Variants in POLI observed in about 807,000 individuals in gnomAD.
POLI encodes RAD30 homolog B.
Under a neutral mutation model 51.6 loss-of-function variants are expected in POLI, and 58 were observed. The observed-to-expected ratio is 1.12, with a 90% confidence interval of 0.91 to 1.40. The LOEUF is 1.40. Among genes scored for constraint, POLI ranks in the 40% most tolerant of loss-of-function variants. The probability of loss-of-function intolerance (pLI) is 0.00; values close to 1 mark genes in which losing one functional copy is unlikely to be tolerated. For missense variants in POLI, 921 were observed against 871.3 expected (o/e 1.06, Z -0.72); for synonymous variants, 322 against 299.7 (o/e 1.07, Z -0.77).
chr18:54,271,256 ACT>A lies in POLI; in HGVS notation c.116-101_116-100del, dbSNP rs562171216. 1.7e-4 allele frequency: 166 copies of A among 961,722 alleles called. 1 individual carries two copies. In the African/African-American group the frequency reaches 2.6e-3, roughly 15 times the overall value. 59.6% of individuals were successfully genotyped at this position (961,722 alleles called of 1,614,324 possible). ...CACATAATCCAGGAGAAAACACGTC[ACT>A]CTGCATTCTTCCTTCACAGGTACCA... On this transcript the variant is annotated intron_variant, in intron 1 of 9. Transcript: ENST00000579534.
intron 3 of POLI, among the ~76,000 whole-genome samples, chr18:54,303,318 G>A (rs527104): frequency 0.77 from 116,881 of 152,144 alleles, 45,739 homozygotes; most frequent in African/African-American, 0.93. Context: ...TGACAGAATG[G>A]TAGAAAACTC....
At chr18:54,282,727 G>A (rs1267951116) in intron 5 of POLI, 110 bp from the exon 6 acceptor site, 11 of 649,822 alleles carry the variant, frequency 1.7e-5, no homozygotes, top group African/African-American at 9.1e-5. Context: ...GGGGACTACT[G>A]TATAAATTAT....
intron 3 of POLI, among the ~76,000 whole-genome samples, 155 bp from the exon 4 acceptor site, chr18:54,277,548 C>G (rs946523253): frequency 7.2e-5 from 11 of 152,138 alleles, no homozygotes; most frequent in African/African-American, 2.7e-4. Context: ...GAAAAAACGT[C>G]AATTAACTGA....
At chr18:54,309,547 G>A (rs2088639418) in intron 3 of POLI, among the ~76,000 whole-genome samples, 1 of 152,116 alleles carries the variant, frequency 6.6e-6, no homozygotes, top group African/African-American at 2.4e-5. Context: ...TGGGTGTCAG[G>A]GAAGAGGCAG....
intron 3 of POLI, among the ~76,000 whole-genome samples, chr18:54,317,154 C>T (rs2088743579): frequency 6.6e-6 from 1 of 152,172 alleles, no homozygotes; most frequent in African/African-American, 2.4e-5. Flanking sequence ...TCCACTTCCT[C>T]CCTTGCTCCC....
chr18:54,270,290 C>G (rs924884405), intron 1 of POLI: 2 of 152,866 alleles, frequency 1.3e-5, no homozygotes, highest in African/African-American at 2.4e-5. Context: ...CTCTCCGTCC[C>G]GAGTAGCTGG....
Position 54,295,551 on chromosome 18 carries a change from C to T in POLI, c.*1084C>T. 1.2e-6 allele frequency: 1 copy of T among 842,400 alleles called. No homozygotes were observed. Among genetic ancestry groups the T allele is most frequent in the Non-Finnish European group, 1.4e-6 (1 of 700,040 alleles). 52.2% of individuals were successfully genotyped at this position (842,400 alleles called of 1,614,324 possible). On this transcript the variant is annotated 3_prime_UTR_variant, in exon 10 of 10. Transcript: ENST00000579534. Reference sequence around the variant, plus strand: ...TTGCACATATAATCTAAAGAAGAGACTTTAAAAATAAAGTACACAAATATG... The same window carrying T: ...TTGCACATATAATCTAAAGAAGAGATTTTAAAAATAAAGTACACAAATATG...
intron 3 of POLI, among the ~76,000 whole-genome samples, chr18:54,277,413 G>T (rs1034851694): frequency 1.3e-5 from 2 of 152,134 alleles, no homozygotes; most frequent in African/African-American, 2.4e-5. Context: ...GATATTTAAT[G>T]TACTACAGAT....
chr18:54,299,952 CAAATA>C (rs963114165), downstream of POLI, among the ~76,000 whole-genome samples: 101 of 151,626 alleles, frequency 6.7e-4, no homozygotes, highest in African/African-American at 2.4e-3. Context: ...CTGACATCCT[CAAATA>C]AAGTAAAGAA....
chr18:54,273,076 T>A (rs1310636787), intron 2 of POLI, among the ~76,000 whole-genome samples: 1 of 152,100 alleles, frequency 6.6e-6, no homozygotes, highest in East Asian at 1.9e-4. Flanking sequence ...ACTCTTACAG[T>A]GGTAAGCAAG....
intron 4 of POLI, among the ~76,000 whole-genome samples, chr18:54,279,236 C>CTT (rs2087385356): frequency 2.4e-5 from 3 of 126,258 alleles, no homozygotes; most frequent in Non-Finnish European, 3.4e-5. Flanking sequence ...CCCATTATGT[C>CTT]TTTTCTTTTT....
downstream of POLI, among the ~76,000 whole-genome samples, chr18:54,300,541 A>G (rs1306456341): frequency 6.6e-6 from 1 of 152,118 alleles, no homozygotes; most frequent in Non-Finnish European, 1.5e-5. Context: ...AAAAAAGCTT[A>G]AAAGGAGAGA....
chr18:54,295,590 C>T lies in POLI; in HGVS notation c.*1123C>T. On this transcript the variant is annotated 3_prime_UTR_variant, in exon 10 of 10. Coordinates refer to ENST00000579534, the MANE Select transcript of POLI (RefSeq NM_007195.3). ...TACACAAATATGAACCAAAGAGTAG[C>T]TTAAAAATACTTTCTTCTAGGTCTG... The T allele has an allele frequency of 2.6e-6, 2 of 769,286 alleles. No homozygotes were observed. The allele number at this position is 769,286 out of a possible 1,614,324, so 47.7% of individuals were successfully genotyped here.
chr18:54,278,001 T>A, intron 4 of POLI, 146 bp downstream of exon 4: 1 of 582,282 alleles, frequency 1.7e-6, no homozygotes, highest in Non-Finnish European at 3.0e-6. Context: ...CTAGGACAGC[T>A]AAAATTAGGT....
At position 54,293,988 on chromosome 18, in the gene POLI, A is replaced by G. The variant is rs553872743; in HGVS notation, c.1744A>G (p.Ile582Val). The G allele has an allele frequency of 4.3e-6, 7 of 1,613,310 alleles. No homozygotes were observed. The South Asian group carries it at 7.7e-5, about 18-fold the overall frequency. ...FSKKQMQDIP[I>V]NPRDHLSSSK... ...TAAAAAACAAATGCAAGATATTCCC[A>G]TAAATCCTAGAGATCATTTATCCAG... The change falls in exon 10 of 10, where the codon ATA becomes GTA. Residue 582 changes from isoleucine (I) to valine (V), a missense_variant. Coordinates refer to ENST00000579534, the MANE Select transcript of POLI (RefSeq NM_007195.3).
Position 54,269,575 on chromosome 18 carries a change from A to G in POLI, c.29A>G (p.Glu10Gly), listed in dbSNP as rs1568111929. The change falls in exon 1 of 10, where the codon GAG (glutamate) becomes GGG (glycine). Residue 10 changes from glutamate to glycine, a missense_variant. Physicochemically the swap from Glu to Gly is moderately conservative, Grantham distance 98. Coordinates refer to ENST00000579534, the MANE Select transcript of POLI (RefSeq NM_007195.3). ...GAGAAGCTGGGGGTGGAGCCGGAGGAGGAAGGCGGCGGCGACGACGACGAG... is the reference window on the plus strand; with the variant it reads ...GAGAAGCTGGGGGTGGAGCCGGAGGGGGAAGGCGGCGGCGACGACGACGAG... MEKLGVEPEEEGGGDDDEED... is the reference protein window; with the variant it reads MEKLGVEPEGEGGGDDDEED... The G allele has an allele frequency of 2.1e-6, 3 of 1,449,512 alleles. No homozygotes were observed. In the East Asian group the frequency reaches 8.6e-5, roughly 41 times the overall value. 89.8% of individuals were successfully genotyped at this position (1,449,512 alleles called of 1,614,324 possible).
chr18:54,270,816 G>A (rs970650361), intron 1 of POLI: 1 of 152,282 alleles, frequency 6.6e-6, no homozygotes, highest in East Asian at 1.9e-4. Flanking sequence ...GGTCTGTTAT[G>A]TCCTAGACAC....
At chr18:54,283,187 G>A (rs1039793687) in intron 6 of POLI, among the ~76,000 whole-genome samples, 172 bp downstream of exon 6, 1 of 152,022 alleles carries the variant, frequency 6.6e-6, no homozygotes, top group African/African-American at 2.4e-5. Context: ...ATTCTTAAAT[G>A]GAATCTTAAG....
rs369886946 is a variant in POLI, at chr18:54,313,778, T to C, written c.334-6495T>C. Among the ~76,000 whole-genome samples, 310 of 152,342 alleles carry C rather than the reference T, an allele frequency of 2.0e-3. 3 individuals are homozygous for C. In the South Asian group the frequency reaches 0.03, roughly 15 times the overall value. On this transcript the variant is annotated intron_variant, in intron 3 of 4. Transcript: ENST00000579823. Reference sequence around the variant, plus strand: ...TTTTGATGTTGTTGGTATGTAGGAATACTACTGATTTTTGTACACTGATTT... The same window carrying C: ...TTTTGATGTTGTTGGTATGTAGGAACACTACTGATTTTTGTACACTGATTT...
Sources: gnomAD v4.1 joint callset for allele counts (sites outside exome capture counted in the v4.1 genomes callset) on GRCh38, gnomAD v4.1.1 for gene constraint, MANE v1.5 for transcripts, NCBI Gene and HGNC (gene_info 2026-07-23, HGNC 2026-07-21) for gene names.